MTMR7: variants seen among roughly 807,000 people sequenced by gnomAD.
MTMR7 encodes the protein phosphatidylinositol-3-phosphate phosphatase MTMR7.
MTMR7 carries 76 observed loss-of-function variants against 81.2 expected under a neutral mutation model. The observed-to-expected ratio is 0.94, with a 90% CI of 0.78 to 1.13. The LOEUF is 1.13. Ranked by LOEUF, MTMR7 falls within the 50% of genes most tolerant of loss-of-function variation. MTMR7 has a pLI of 0.00. For missense variants in MTMR7, 1,044 were observed against 820.0 expected, an observed-to-expected ratio of 1.27 and a Z score of -3.34; for synonymous variants, 372 against 289.8, an observed-to-expected ratio of 1.28 and a Z score of -2.88.
chr8:17,371,100 T>C lies in MTMR7; in HGVS notation c.247A>G (p.Ile83Val). The change falls in exon 3 of 14, where the codon ATC (isoleucine) becomes GTC (valine). Residue 83 changes from isoleucine to valine, a missense_variant. By Grantham distance (29) the Ile-to-Val change is conservative. Transcript: ENST00000180173. ...RCKNFQIIQL[I>V]IPQERDCHDV... ...TGGCAATCTCTTTCCTGAGGTATGATGAGCTGTATTATCTGAAAGTTCTTG... is the reference window on the plus strand; with the variant it reads ...TGGCAATCTCTTTCCTGAGGTATGACGAGCTGTATTATCTGAAAGTTCTTG... The C allele has an allele frequency of 1.2e-6, 2 of 1,614,240 alleles. No individual in the cohort carries two copies. Among genetic ancestry groups the C allele is most frequent in the South Asian group, 1.1e-5 (1 of 91,088 alleles).
chr8:17,373,794 A>C (rs1820492343), intron 1 of MTMR7, among the ~76,000 whole-genome samples: 2 of 152,342 alleles, frequency 1.3e-5, no homozygotes, highest in East Asian at 3.9e-4. Context: ...CATTTATAAC[A>C]AAATCTTCCT....
intron 8 of MTMR7, among the ~76,000 whole-genome samples, chr8:17,312,714 C>A (rs13271621): frequency 0.11 from 17,054 of 151,832 alleles, 1,309 homozygotes; most frequent in Non-Finnish European, 0.17. Context: ...ATAAAGATTT[C>A]TTGAATAAAT....
At chr8:17,346,628 A>G (rs1286401442) in intron 5 of MTMR7, among the ~76,000 whole-genome samples, 1 of 151,886 alleles carries the variant, frequency 6.6e-6, no homozygotes, top group Non-Finnish European at 1.5e-5. Flanking sequence ...CACATTGACA[A>G]AAAGTAAAAT....
intron 7 of MTMR7, among the ~76,000 whole-genome samples, chr8:17,327,395 T>G (rs1239657876): frequency 6.6e-6 from 1 of 152,118 alleles, no homozygotes; most frequent in South Asian, 2.1e-4. Flanking sequence ...ATCAGCTTCC[T>G]GAGCAGCTGG....
intron 4 of MTMR7, among the ~76,000 whole-genome samples, chr8:17,354,162 A>G (rs1468267540): frequency 6.6e-6 from 1 of 152,202 alleles, no homozygotes; most frequent in African/African-American, 2.4e-5. Context: ...TATACAGACA[A>G]TCTTCTTAAA....
chr8:17,344,688 T>TTA (rs1294754286), intron 5 of MTMR7, among the ~76,000 whole-genome samples: 2 of 152,138 alleles, frequency 1.3e-5, no homozygotes, highest in Admixed American at 6.5e-5. Context: ...GTTGGGTAAT[T>TTA]TATGTATCTT....
At chr8:17,340,492 G>C (rs979924332) in intron 6 of MTMR7, among the ~76,000 whole-genome samples, 5 of 152,186 alleles carry the variant, frequency 3.3e-5, no homozygotes, top group African/African-American at 1.2e-4. Context: ...TGCACTTGTA[G>C]GTGACTTTGT....
chr8:17,403,650 T>C (rs1265827341), intron 1 of MTMR7, among the ~76,000 whole-genome samples: 1 of 152,202 alleles, frequency 6.6e-6, no homozygotes. Flanking sequence ...AATTTGTAGA[T>C]TGCTTTGGGT....
At chr8:17,362,000 C>G (rs1002591404) in intron 3 of MTMR7, among the ~76,000 whole-genome samples, 5 of 152,092 alleles carry the variant, frequency 3.3e-5, no homozygotes, top group African/African-American at 1.2e-4. Flanking sequence ...CCCAATAGCC[C>G]CACTGTTTCC....
At chr8:17,311,702 C>T in intron 8 of MTMR7, 66 bp from the exon 9 acceptor site, 4 of 1,607,628 alleles carry the variant, frequency 2.5e-6, no homozygotes, top group Non-Finnish European at 3.4e-6. Flanking sequence ...CCTCTCATCA[C>T]AGCCAGGTTT....
intron 1 of MTMR7, among the ~76,000 whole-genome samples, chr8:17,394,026 G>A (rs1044041042): frequency 2.4e-4 from 37 of 152,056 alleles, no homozygotes; most frequent in African/African-American, 8.0e-4. Flanking sequence ...CATTAGGATA[G>A]CTATAATCAA....
chr8:17,309,381 CCACA>C, intron 9 of MTMR7, 55 bp from the exon 10 acceptor site: 1 of 1,175,106 alleles, frequency 8.5e-7, no homozygotes, highest in South Asian at 1.3e-5. Flanking sequence ...AAATAAGAGA[CCACA>C]CAACCAATAA....
chr8:17,397,332 G>C (rs1288086150), intron 1 of MTMR7, among the ~76,000 whole-genome samples: 1 of 152,084 alleles, frequency 6.6e-6, no homozygotes, highest in Admixed American at 6.5e-5. Flanking sequence ...TAGGCTAGAG[G>C]GGAGCTCAAT....
At chr8:17,305,379 T>G (rs1817383140) in intron 11 of MTMR7, among the ~76,000 whole-genome samples, 1 of 152,214 alleles carries the variant, frequency 6.6e-6, no homozygotes, top group African/African-American at 2.4e-5. Flanking sequence ...AATTCTGGCT[T>G]TTATATTTGC....
intron 6 of MTMR7, among the ~76,000 whole-genome samples, chr8:17,332,660 T>C (rs573888066): frequency 6.6e-6 from 1 of 152,360 alleles, no homozygotes; most frequent in East Asian, 1.9e-4. Flanking sequence ...TGAATGTCTA[T>C]TGCTTTTGCA....
At chr8:17,345,090 T>C (rs1490685184) in intron 5 of MTMR7, among the ~76,000 whole-genome samples, 1 of 152,186 alleles carries the variant, frequency 6.6e-6, no homozygotes, top group Non-Finnish European at 1.5e-5. Context: ...ATAAAGCTGT[T>C]AATAGCTGGA....
At chr8:17,314,164 G>A (rs1289996126) in intron 7 of MTMR7, among the ~76,000 whole-genome samples, 1 of 152,190 alleles carries the variant, frequency 6.6e-6, no homozygotes, top group South Asian at 2.1e-4. Flanking sequence ...TTCAGAGCTA[G>A]TGTTCTGAGT....
chr8:17,362,455 T>C (rs1332163056), intron 3 of MTMR7, among the ~76,000 whole-genome samples: 3 of 152,192 alleles, frequency 2.0e-5, no homozygotes, highest in Non-Finnish European at 4.4e-5. Context: ...TTAAGTGCAT[T>C]AATCCAGTTA....
intron 10 of MTMR7, among the ~76,000 whole-genome samples, chr8:17,307,621 G>C (rs184256027): frequency 5.7e-4 from 87 of 152,256 alleles, no homozygotes; most frequent in African/African-American, 1.9e-3. Flanking sequence ...CAATAGCAAA[G>C]ACTTGGAACC....
Sources: gnomAD v4.1 joint callset for allele counts (sites outside exome capture counted in the v4.1 genomes callset) on GRCh38, gnomAD v4.1.1 for gene constraint, MANE v1.5 for transcripts, NCBI Gene and HGNC (gene_info 2026-07-23, HGNC 2026-07-21) for gene names.